Variants in SSUH2 observed in about 807,000 individuals in gnomAD.
The protein encoded by SSUH2 is ssu-2 homolog.
In SSUH2, 47 loss-of-function variants were observed where a neutral mutation model predicts 55.3. The observed-to-expected ratio is 0.85, with a 90% CI of 0.67 to 1.08. SSUH2 has a LOEUF of 1.08. SSUH2 is among the 50% of genes least tolerant of loss of function. The pLI, the probability that SSUH2 is intolerant of heterozygous loss-of-function variation, is 0.00. For synonymous variants in SSUH2, 212 were observed against 191.5 expected (o/e 1.11, Z -0.89); for missense variants, 535 against 490.7 (o/e 1.09, Z -0.85).
At chr3:8,642,380 G>A (rs926808294) in intron 1 of SSUH2, among the ~76,000 whole-genome samples, 17 of 152,236 alleles carry the variant, frequency 1.1e-4, no homozygotes, top group African/African-American at 3.4e-4. Flanking sequence ...GACATTCTGA[G>A]TAGACTTGCA....
chr3:8,630,318 C>T lies in SSUH2; in HGVS notation c.525+487G>A, dbSNP rs17787230. 6.7e-3 allele frequency among the ~76,000 whole-genome samples: 1,023 copies of T among 152,268 alleles called. 16 individuals carry two copies. Among genetic ancestry groups the T allele is most frequent in the South Asian group, 0.016 (78 of 4,816 alleles). ...AGAACACAATATGAGCTATCTCAGT[C>T]GTGTTTTTGTAATCCACTAGGCTCC... On this transcript the variant is annotated intron_variant, in intron 6 of 11. Coordinates refer to ENST00000544814, the MANE Select transcript of SSUH2 (RefSeq NM_001256748.3).
rs540313444 is a variant in SSUH2, at chr3:8,663,365, G to A, written c.-396+379C>T. On this transcript the variant is annotated intron_variant, in intron 6 of 18. Coordinates refer to the SSUH2 transcript ENST00000317371. ...CCTCCTGTCTGACATACAGAGAACA[G>A]CAATGCATGGGCTGAGCCCAAGGAA... 7.2e-5 allele frequency among the ~76,000 whole-genome samples: 11 copies of A among 152,362 alleles called. No individual in the cohort carries two copies. The South Asian group carries it at 2.3e-3, about 32-fold the overall frequency.
intron 7 of SSUH2, among the ~76,000 whole-genome samples, chr3:8,655,625 A>C (rs143027446): frequency 5.5e-4 from 84 of 152,326 alleles, no homozygotes; most frequent in African/African-American, 1.8e-3. Context: ...CCCTCTGAAA[A>C]TATTGACTTG....
intron 3 of SSUH2, among the ~76,000 whole-genome samples, chr3:8,675,487 C>T (rs1705137204): frequency 6.6e-6 from 1 of 152,174 alleles, no homozygotes; most frequent in African/African-American, 2.4e-5. Flanking sequence ...ACACCAGCAC[C>T]TGGAGGACTG....
intron 1 of SSUH2, among the ~76,000 whole-genome samples, chr3:8,681,423 C>T (rs1482753685): frequency 3.8e-5 from 4 of 104,852 alleles, no homozygotes; most frequent in Non-Finnish European, 6.0e-5. Context: ...CCGGCGAGCC[C>T]GGGACTGAGA....
chr3:8,633,614 C>A lies in SSUH2; in HGVS notation c.339+52G>T. On this transcript the variant is annotated intron_variant, in intron 4 of 11. Transcript: ENST00000544814. ...AACAGGCCTCCACTGTCCCAAAGCC[C>A]CCAGCTCCCCAGCCCCCCGGCCAAG... 7.6e-6 allele frequency: 11 copies of A among 1,440,124 alleles called. 1 individual carries two copies. Among genetic ancestry groups the A allele is most frequent in the Middle Eastern group, 5.2e-4 (2 of 3,860 alleles). The allele number at this position is 1,440,124 out of a possible 1,614,324, so 89.2% of individuals were successfully genotyped here. A position where few individuals can be genotyped will look rare whatever the true frequency, so the allele number is the denominator to read the frequency against.
intron 8 of SSUH2, among the ~76,000 whole-genome samples, chr3:8,626,603 T>C (rs1697615394): frequency 1.4e-5 from 2 of 143,936 alleles, no homozygotes; most frequent in African/African-American, 5.1e-5. Context: ...CCAATCATCT[T>C]ATTCCATGTC....
chr3:8,635,188 G>T (rs1440121363), intron 3 of SSUH2, 112 bp downstream of exon 3: 1 of 807,968 alleles, frequency 1.2e-6, no homozygotes, highest in Non-Finnish European at 1.9e-6. Context: ...GTAGGTCTGG[G>T]GTGCAGACGG....
At position 8,625,610 on chromosome 3, in the gene SSUH2, G is replaced by A. The variant is rs760333128; in HGVS notation, c.805C>T (p.Leu269Phe). Residue 269 changes from leucine (L) to phenylalanine (F), a missense_variant, in exon 10 of 12, where the codon CTC becomes TTC. Transcript: ENST00000544814. ...SLFEFVSEHR[L>F]NCPRELLAKA... Reference sequence around the variant, plus strand: ...GCAAGGAGCTCCCTGGGGCAGTTGAGCCGGTGCTCAGACACAAACTCAAAC... The same window carrying A: ...GCAAGGAGCTCCCTGGGGCAGTTGAACCGGTGCTCAGACACAAACTCAAAC... The A allele has an allele frequency of 2.5e-6, 4 of 1,614,040 alleles. No individual in the cohort carries two copies. In the South Asian group the frequency reaches 3.3e-5, roughly 13 times the overall value.
In SSUH2 at chr3:8,639,418, C is replaced by T. The variant is rs542680932; in HGVS notation, c.29-3561G>A. ...GGTTTGGGGCAACTTTGCTCACACA[C>T]GCATGGCAGAGATAGAAATAGCACT... On this transcript the variant is annotated intron_variant, in intron 1 of 11. Transcript: ENST00000544814. Among the ~76,000 whole-genome samples the T allele has an allele frequency of 1.8e-4, 28 of 152,316 alleles. No individual in the cohort carries two copies. In the South Asian group the frequency reaches 2.5e-3, roughly 14 times the overall value.
intron 5 of SSUH2, among the ~76,000 whole-genome samples, chr3:8,666,072 A>G (rs1703967228): frequency 6.6e-6 from 1 of 152,222 alleles, no homozygotes; most frequent in Admixed American, 6.5e-5. Context: ...TCTGGCAAAG[A>G]CTGAACATGT....
chr3:8,655,484 A>G (rs983578443), intron 7 of SSUH2, among the ~76,000 whole-genome samples: 2 of 148,694 alleles, frequency 1.3e-5, no homozygotes, highest in Non-Finnish European at 3.0e-5. Context: ...GACCTCCTCA[A>G]GATCACAGTG....
chr3:8,626,547 C>T lies in SSUH2; in HGVS notation c.675-226G>A, dbSNP rs1364385742. Among the ~76,000 whole-genome samples the T allele has an allele frequency of 2.4e-3, 303 of 128,530 alleles. 2 individuals carry two copies. Among genetic ancestry groups the T allele is most frequent in the Middle Eastern group, 0.019 (5 of 262 alleles). 84.3% of individuals were successfully genotyped at this position (128,530 alleles called of 152,430 possible). A position where few individuals can be genotyped will look rare whatever the true frequency, so the allele number is the denominator to read the frequency against. ...ATGGCTCTAGGGCCTGCCCCCCCCC[C>T]TCCCCCACCACTAAATTCTGTGAAC... is the stretch of plus-strand genomic sequence containing the variant. On this transcript the variant is annotated intron_variant, in intron 8 of 11. Transcript: ENST00000544814.
chr3:8,646,657 T>G (rs983018823), upstream of SSUH2, among the ~76,000 whole-genome samples: 1 of 152,232 alleles, frequency 6.6e-6, no homozygotes, highest in Non-Finnish European at 1.5e-5. Flanking sequence ...ACAGAAGTGC[T>G]GTCTGCAACA....
At position 8,629,676 on chromosome 3, in the gene SSUH2, G is replaced by T. The variant is rs766073066; in HGVS notation, c.576C>A (p.His192Gln). ...ACAGATGACTCACCGTGCCCGCCCC[G>T]TGGCAGCCGCTGCACTTGTACCGCC... ...GRGRYKCSGC[H>Q]GAGTVRCPSC... Residue 192 changes from histidine (H) to glutamine (Q), a missense_variant, in exon 7 of 12, where the codon CAC becomes CAA. Transcript: ENST00000544814. The T allele has an allele frequency of 5.0e-6, 8 of 1,614,026 alleles. No individual in the cohort carries two copies. The highest frequency in any genetic ancestry group is 6.8e-6 in the Non-Finnish European group (8 of 1,180,040).
At chr3:8,679,230 GCGGGGACTGAGA>G (rs1431273632) in intron 2 of SSUH2, among the ~76,000 whole-genome samples, 42 of 790 alleles carry the variant, frequency 0.053, 13 homozygotes, top group South Asian at 0.25. Flanking sequence ...CCCTCCGTGA[GCGGGGACTGAGA>G]GCCAGCCAAT....
intron 8 of SSUH2, among the ~76,000 whole-genome samples, chr3:8,626,699 C>T (rs763496594): frequency 4.6e-5 from 7 of 152,110 alleles, no homozygotes; most frequent in Non-Finnish European, 1.0e-4. Flanking sequence ...TCGGGACTAT[C>T]GGGAAAGGGA....
intron 1 of SSUH2, among the ~76,000 whole-genome samples, chr3:8,680,993 C>A (rs534367626): frequency 6.6e-6 from 1 of 151,450 alleles, no homozygotes; most frequent in Non-Finnish European, 1.5e-5. Flanking sequence ...GCTCTTAGGA[C>A]CCCCATCGCA....
At chr3:8,623,724 C>CCCCAG in intron 10 of SSUH2, 68 bp from the exon 11 acceptor site, 2 of 786,626 alleles carry the variant, frequency 2.5e-6, no homozygotes, top group Non-Finnish European at 4.1e-6. Context: ...GTCACTGGGG[C>CCCCAG]TGACTAGAGC....
Sources: gnomAD v4.1 joint callset for allele counts (sites outside exome capture counted in the v4.1 genomes callset) on GRCh38, gnomAD v4.1.1 for gene constraint, MANE v1.5 for transcripts, NCBI Gene and HGNC (gene_info 2026-07-23, HGNC 2026-07-21) for gene names.